EFCAB13: variants seen among roughly 807,000 people sequenced by gnomAD.
EFCAB13 encodes EF-hand calcium binding domain 13, also known as EF-hand calcium-binding domain-containing protein 13.
Under a neutral mutation model 110.2 loss-of-function variants are expected in EFCAB13, and 91 were observed. That is an observed-to-expected ratio of 0.83 (90% CI 0.70 to 0.98). The LOEUF (loss-of-function observed/expected upper bound fraction) is 0.98. Ranked by LOEUF, EFCAB13 falls within the 50% of genes least tolerant of loss-of-function variation. EFCAB13 has a pLI of 0.00. For missense variants in EFCAB13, 968 were observed against 1,119.4 expected, an observed-to-expected ratio of 0.86 and a Z score of 1.93; for synonymous variants, 323 against 369.9, an observed-to-expected ratio of 0.87 and a Z score of 1.45.
intron 14 of EFCAB13, among the ~76,000 whole-genome samples, chr17:47,391,024 T>TC: frequency 6.6e-6 from 1 of 152,198 alleles, no homozygotes; most frequent in East Asian, 1.9e-4. Flanking sequence ...ACCTCAGCCT[T>TC]CATCTTCTGG....
intron 8 of EFCAB13, 105 bp from the exon 9 acceptor site, chr17:47,347,703 A>C: frequency 1.1e-6 from 1 of 872,408 alleles, no homozygotes; most frequent in Non-Finnish European, 1.6e-6. Context: ...CTGAAAACAC[A>C]GATTGGCTCC....
At position 47,409,657 on chromosome 17, in the gene EFCAB13, A is replaced by G; in HGVS notation, c.2244A>G (p.Lys748=). The part of the protein sequence containing the change: ...QKFSNYIDFR[K]EASNLKLPKV... ...TCTCTAAATTTGCAGATTTCAGGAA[A>G]GAGGCTTCAAATCTAAAATTACCAA... Residue 748 remains lysine (K), a synonymous_variant, in exon 21 of 25, where the codon AAA becomes AAG. Transcript: ENST00000331493. The G allele has an allele frequency of 3.7e-6, 6 of 1,611,414 alleles. No homozygotes were observed. Among genetic ancestry groups the G allele is most frequent in the Non-Finnish European group, 5.1e-6 (6 of 1,177,734 alleles).
At chr17:47,334,977 A>G (rs1184005394) in intron 4 of EFCAB13, among the ~76,000 whole-genome samples, 1 of 152,220 alleles carries the variant, frequency 6.6e-6, no homozygotes, top group Non-Finnish European at 1.5e-5. Flanking sequence ...GTTCTTTTAT[A>G]GCTGTATAAT....
chr17:47,349,392 G>A (rs1170542008), intron 9 of EFCAB13, among the ~76,000 whole-genome samples: 1 of 152,180 alleles, frequency 6.6e-6, no homozygotes, highest in Non-Finnish European at 1.5e-5. Flanking sequence ...GAATCTTGAA[G>A]AACTACAAAT....
intron 10 of EFCAB13, among the ~76,000 whole-genome samples, chr17:47,361,853 G>A (rs1386787803): frequency 2.0e-5 from 3 of 152,162 alleles, no homozygotes; most frequent in Non-Finnish European, 2.9e-5. Flanking sequence ...GACTCCACAA[G>A]TTAGAAGACC....
chr17:47,335,409 G>T, intron 5 of EFCAB13, 53 bp downstream of exon 5: 4 of 1,460,428 alleles, frequency 2.7e-6, no homozygotes, highest in Non-Finnish European at 3.7e-6. Context: ...TGCAAGTTAA[G>T]AATGCCAAAA....
At chr17:47,391,679 A>C in intron 15 of EFCAB13, 99 bp downstream of exon 15, 6 of 1,110,774 alleles carry the variant, frequency 5.4e-6, no homozygotes, top group Non-Finnish European at 7.4e-6. Context: ...TTTTATTATA[A>C]AAAGTTAAAA....
At chr17:47,335,939 T>G (rs1005872879) in intron 5 of EFCAB13, among the ~76,000 whole-genome samples, 3 of 151,972 alleles carry the variant, frequency 2.0e-5, no homozygotes, top group Non-Finnish European at 4.4e-5. Flanking sequence ...GGACACAGAG[T>G]CAAACTATAT....
In EFCAB13 at chr17:47,347,954, A is replaced by T; in HGVS notation, c.661+3A>T. ...ACTAAAGACTGTTGATATTGATGGTAAGTTTTATCTTTTCAGTATTAGTTT... is the reference window on the plus strand; with the variant it reads ...ACTAAAGACTGTTGATATTGATGGTTAGTTTTATCTTTTCAGTATTAGTTT... On this transcript the variant is annotated splice_donor_region_variant and intron_variant, in intron 9 of 24. Coordinates refer to ENST00000331493, the MANE Select transcript of EFCAB13 (RefSeq NM_152347.5). 1 of 1,439,292 alleles carries T rather than the reference A, an allele frequency of 6.9e-7. No individual in the cohort carries two copies. Among genetic ancestry groups the T allele is most frequent in the Non-Finnish European group, 9.3e-7 (1 of 1,080,050 alleles). The allele number at this position is 1,439,292 out of a possible 1,614,324, so 89.2% of individuals were successfully genotyped here. A position where few individuals can be genotyped will look rare whatever the true frequency, so the allele number is the denominator to read the frequency against.
At chr17:47,325,141 C>G (rs564603329) in intron 2 of EFCAB13, among the ~76,000 whole-genome samples, 1 of 148,420 alleles carries the variant, frequency 6.7e-6, no homozygotes, top group African/African-American at 2.5e-5. Flanking sequence ...CTGGCTCAGT[C>G]TTTGGAGTAG....
At chr17:47,358,029 C>CT (rs1462294665) in intron 9 of EFCAB13, among the ~76,000 whole-genome samples, 3 of 152,064 alleles carry the variant, frequency 2.0e-5, no homozygotes, top group African/African-American at 7.2e-5. Flanking sequence ...TCTCAGGTTT[C>CT]TTTTGTTCCT....
intron 23 of EFCAB13, among the ~76,000 whole-genome samples, chr17:47,428,505 T>C (rs953686501): frequency 6.6e-6 from 1 of 152,064 alleles, no homozygotes; most frequent in Non-Finnish European, 1.5e-5. Flanking sequence ...CATAACAAAG[T>C]TACTGTAATT....
At chr17:47,423,976 C>T (rs1282009037) in intron 23 of EFCAB13, among the ~76,000 whole-genome samples, 5 of 152,098 alleles carry the variant, frequency 3.3e-5, no homozygotes, top group African/African-American at 1.2e-4. Flanking sequence ...GGAGGGGGCG[C>T]GCGGGCCAGT....
intron 14 of EFCAB13, among the ~76,000 whole-genome samples, chr17:47,383,242 A>G (rs527917563): frequency 6.6e-6 from 1 of 152,124 alleles, no homozygotes; most frequent in African/African-American, 2.4e-5. Flanking sequence ...TTCCAGATTC[A>G]TTGATTTTTT....
chr17:47,425,248 T>G (rs1249544530), intron 23 of EFCAB13, among the ~76,000 whole-genome samples: 2 of 152,138 alleles, frequency 1.3e-5, no homozygotes, highest in Non-Finnish European at 2.9e-5. Flanking sequence ...GATGTAAATA[T>G]ATTTGATGAG....
chr17:47,337,028 C>A (rs1422526305), intron 5 of EFCAB13, among the ~76,000 whole-genome samples: 1 of 152,204 alleles, frequency 6.6e-6, no homozygotes, highest in Non-Finnish European at 1.5e-5. Context: ...TCTCCTCTAC[C>A]TTCCAGAAAT....
intron 2 of EFCAB13, among the ~76,000 whole-genome samples, chr17:47,325,923 A>AATATATATATGTATATAT (rs1555575761): frequency 2.9e-5 from 3 of 102,552 alleles, no homozygotes; most frequent in African/African-American, 1.2e-4. Context: ...ATATAAACAA[A>AATATATATATGTATATAT]ATATATATAT....
chr17:47,413,109 G>A (rs1387736951), intron 22 of EFCAB13, among the ~76,000 whole-genome samples, 193 bp downstream of exon 22: 2 of 152,090 alleles, frequency 1.3e-5, no homozygotes, highest in African/African-American at 4.8e-5. Context: ...TACTCATATG[G>A]ATACTATATG....
chr17:47,392,259 T>G (rs1318569527), intron 15 of EFCAB13, among the ~76,000 whole-genome samples: 1 of 152,202 alleles, frequency 6.6e-6, no homozygotes, highest in Non-Finnish European at 1.5e-5. Context: ...AAAATCTAGA[T>G]AAATAAGAAT....
Sources: gnomAD v4.1 joint callset for allele counts (sites outside exome capture counted in the v4.1 genomes callset) on GRCh38, gnomAD v4.1.1 for gene constraint, MANE v1.5 for transcripts, NCBI Gene and HGNC (gene_info 2026-07-23, HGNC 2026-07-21) for gene names.